Variants in MAOB observed in about 807,000 individuals in gnomAD.
The protein encoded by MAOB is amine oxidase [flavin-containing] B.
MAOB carries 15 observed loss-of-function variants against 41.9 expected under a neutral mutation model. That is an observed-to-expected ratio of 0.36 (90% confidence interval 0.24 to 0.55). MAOB has a LOEUF of 0.55. MAOB is among the 20% of genes least tolerant of loss of function. The pLI, the probability that MAOB is intolerant of heterozygous loss-of-function variation, is 0.86. For synonymous variants in MAOB, 167 were observed against 144.2 expected (o/e 1.16, Z -1.13); for missense variants, 345 against 398.7 (o/e 0.87, Z 1.15).
rs766345247 is a variant in MAOB at position 43,865,280 on chromosome X, A to C, written c.46+16974T>G. Among the ~76,000 whole-genome samples the C allele has an allele frequency of 5.3e-5, 6 of 112,383 alleles. No homozygotes were observed. The South Asian group carries it at 2.2e-3, about 42-fold the overall frequency. ...GATGAATCTTGAAGACATGATGCTA[A>C]ATGAAAGAAGCCAGACACAGAAGGT... On this transcript the variant is annotated intron_variant, in intron 1 of 14. Coordinates refer to ENST00000378069, the MANE Select transcript of MAOB (RefSeq NM_000898.5).
chrX:43,850,240 G>T, intron 1 of MAOB: 1 of 470,007 alleles, frequency 2.1e-6, no homozygotes, highest in Non-Finnish European at 2.6e-6. Context: ...AGAGATCCAT[G>T]TTGCTAAAAC....
At chrX:43,845,715 C>G (rs2035194665) in intron 1 of MAOB, among the ~76,000 whole-genome samples, 1 of 112,287 alleles carries the variant, frequency 8.9e-6, no homozygotes, top group South Asian at 3.7e-4. Context: ...TTTTTTGGAT[C>G]AGCTTGTTTT....
chrX:43,802,192 C>G lies in MAOB; in HGVS notation c.456G>C (p.Leu152=). ...CTTACTCAGTCCAGCAGAGCTTGTC[C>G]AGTAGCTCCTTCATTGTCATGTTGT... is the stretch of plus-strand genomic sequence containing the variant. ...EWDNMTMKEL[L]DKLCWTESAK... is the part of the protein sequence containing the mutation. Residue 152 remains leucine, a synonymous_variant, in exon 5 of 15, where the codon CTG becomes CTC. Transcript: ENST00000378069. The G allele has an allele frequency of 8.3e-7, 1 of 1,207,512 alleles. No individual in the cohort carries two copies. Among genetic ancestry groups the G allele is most frequent in the Non-Finnish European group, 1.1e-6 (1 of 892,911 alleles).
chrX:43,811,844 C>A (rs1051366006), intron 3 of MAOB, among the ~76,000 whole-genome samples: 1 of 111,638 alleles, frequency 9.0e-6, no homozygotes, highest in African/African-American at 3.3e-5. Context: ...ACAAACAATC[C>A]AATTATACCC....
At chrX:43,837,488 G>C (rs2035084821) in intron 3 of MAOB, among the ~76,000 whole-genome samples, 1 of 112,351 alleles carries the variant, frequency 8.9e-6, no homozygotes, top group South Asian at 3.7e-4. Flanking sequence ...GTGAGCCACT[G>C]TGCCCGGCCA....
chrX:43,881,161 A>G (rs1369451110), intron 1 of MAOB, among the ~76,000 whole-genome samples: 1 of 113,227 alleles, frequency 8.8e-6, no homozygotes, highest in Non-Finnish European at 1.9e-5. Flanking sequence ...GAGCAGAGGC[A>G]GGAGGACTGG....
chrX:43,869,306 T>C (rs1367406409), intron 1 of MAOB, among the ~76,000 whole-genome samples: 1 of 111,839 alleles, frequency 8.9e-6, no homozygotes, highest in Non-Finnish European at 1.9e-5. Flanking sequence ...ACCCTCTGAC[T>C]TTTTTCTATG....
chrX:43,807,638 A>G (rs983842670), intron 3 of MAOB, among the ~76,000 whole-genome samples: 1 of 112,588 alleles, frequency 8.9e-6, no homozygotes, highest in Non-Finnish European at 1.9e-5. Flanking sequence ...GTGAAATGTG[A>G]TCATAGTAAC....
intron 8 of MAOB, among the ~76,000 whole-genome samples, chrX:43,789,820 AC>A (rs1170446503): frequency 8.9e-6 from 1 of 112,032 alleles, no homozygotes; most frequent in East Asian, 2.8e-4. Flanking sequence ...AATTTGCTTG[AC>A]CACAAGATCA....
At chrX:43,788,035 T>C (rs1291877919) in intron 8 of MAOB, among the ~76,000 whole-genome samples, 1 of 111,479 alleles carries the variant, frequency 9.0e-6, no homozygotes, top group Non-Finnish European at 1.9e-5. Flanking sequence ...AGATATTTAC[T>C]TGGCTCATGG....
intron 8 of MAOB, among the ~76,000 whole-genome samples, chrX:43,782,926 C>T (rs1475106338): frequency 9.0e-6 from 1 of 111,431 alleles, no homozygotes; most frequent in African/African-American, 3.3e-5. Flanking sequence ...AAAAGGCCTT[C>T]GATAAAACTC....
chrX:43,843,877 T>C (rs2035170427), intron 1 of MAOB, 113 bp from the exon 2 acceptor site: 2 of 1,063,319 alleles, frequency 1.9e-6, no homozygotes, highest in Non-Finnish European at 2.4e-6. Context: ...CCGCCTATTG[T>C]TACATTCAAC....
intron 1 of MAOB, among the ~76,000 whole-genome samples, chrX:43,851,897 C>T (rs965230858): frequency 4.5e-5 from 5 of 111,741 alleles, no homozygotes; most frequent in African/African-American, 1.6e-4. Flanking sequence ...CAAAGCCTGG[C>T]CCTGCTTCCA....
At chrX:43,828,624 C>T (rs1206490739) in intron 3 of MAOB, among the ~76,000 whole-genome samples, 2 of 111,629 alleles carry the variant, frequency 1.8e-5, no homozygotes, top group East Asian at 2.8e-4. Flanking sequence ...ATTCAGTCCT[C>T]AGCACCCTTA....
rs779215790 is a variant in MAOB at position 43,780,533 on chromosome X, G to A, written c.1026-138C>T. 105 of 398,701 alleles carry A rather than the reference G, an allele frequency of 2.6e-4. 4 individuals are homozygous for A. The highest frequency in any genetic ancestry group is 1.2e-3 in the East Asian group (32 of 25,762). The allele number at this position is 398,701 out of a possible 1,213,427, so 32.9% of individuals were successfully genotyped here. A position where few individuals can be genotyped will look rare whatever the true frequency, so the allele number is the denominator to read the frequency against. On this transcript the variant is annotated intron_variant, in intron 9 of 14. Coordinates refer to ENST00000378069, the MANE Select transcript of MAOB (RefSeq NM_000898.5). ...CAAACTATACACTAGCTTTTCTTAC[G>A]TTCAAAGTTTTATGATTTACATATC...
chrX:43,841,480 T>C (rs2035136496), intron 2 of MAOB, among the ~76,000 whole-genome samples: 1 of 111,834 alleles, frequency 8.9e-6, no homozygotes, highest in South Asian at 3.7e-4. Flanking sequence ...ATGTCCATAC[T>C]ACCCAAAGTG....
intron 1 of MAOB, 38 bp from the exon 2 acceptor site, chrX:43,843,802 A>C (rs371917429): frequency 8.3e-7 from 1 of 1,202,691 alleles, no homozygotes; most frequent in Non-Finnish European, 1.1e-6. Context: ...GATCAAATAC[A>C]AGGATGCCAG....
intron 3 of MAOB, among the ~76,000 whole-genome samples, chrX:43,806,525 G>A (rs1447375498): frequency 9.0e-6 from 1 of 111,025 alleles, no homozygotes; most frequent in Non-Finnish European, 1.9e-5. Context: ...GACTTATCAC[G>A]GATGATGTTA....
At position 43,832,301 on chromosome X, in the gene MAOB, T is replaced by C. The variant is rs370571987; in HGVS notation, c.279+6567A>G. 2.7e-5 allele frequency among the ~76,000 whole-genome samples: 3 copies of C among 112,413 alleles called. No homozygotes were observed. In the East Asian group the frequency reaches 8.4e-4, roughly 31 times the overall value. On this transcript the variant is annotated intron_variant, in intron 3 of 14. Coordinates refer to ENST00000378069, the MANE Select transcript of MAOB (RefSeq NM_000898.5). ...ACCAAGTACTTACCAACCTTAAAGC[T>C]CTAAGAGAAACTGTTAGAATGTCAG...
Sources: gnomAD v4.1 joint callset for allele counts (sites outside exome capture counted in the v4.1 genomes callset) on GRCh38, gnomAD v4.1.1 for gene constraint, MANE v1.5 for transcripts, NCBI Gene and HGNC (gene_info 2026-07-23, HGNC 2026-07-21) for gene names.